Variants in NBPF12 observed in about 807,000 individuals in gnomAD.
The protein encoded by NBPF12 is NBPF member 12.
A neutral mutation model predicts 146.4 loss-of-function variants in NBPF12; 115 were observed. That is an observed-to-expected ratio of 0.79 (90% CI 0.68 to 0.92). The LOEUF (loss-of-function observed/expected upper bound fraction) is 0.92. Among genes scored for constraint, NBPF12 ranks in the 40% least tolerant of loss-of-function variants. NBPF12 has a pLI of 0.00. For synonymous variants in NBPF12, 385 were observed against 508.9 expected (o/e 0.76, Z 3.28); for missense variants, 1,205 against 1,326.8 (o/e 0.91, Z 1.43).
chr1:146,947,732 T>C (rs1268596327), upstream of NBPF12, among the ~76,000 whole-genome samples: 2 of 146,242 alleles, frequency 1.4e-5, no homozygotes, highest in Non-Finnish European at 3.0e-5. Context: ...TATTTACATT[T>C]TCCTGTGTTT....
intron 2 of NBPF12, among the ~76,000 whole-genome samples, chr1:146,954,668 A>G (rs1489403468): frequency 2.0e-5 from 3 of 150,328 alleles, no homozygotes; most frequent in Admixed American, 6.6e-5. Context: ...ATGATCAAGA[A>G]TAATAAAATA....
rs1553886776 is a variant in NBPF12, at chr1:146,972,800, C to T, written c.1641C>T (p.Ala547=). 147 of 1,327,470 alleles carry T rather than the reference C, an allele frequency of 1.1e-4. 1 individual carries two copies. The East Asian group carries it at 1.1e-3, about 10-fold the overall frequency. The allele number at this position is 1,327,470 out of a possible 1,614,324, so 82.2% of individuals were successfully genotyped here. The change falls in exon 14 of 34, where the codon GCC becomes GCT. Residue 547 remains alanine (A), a synonymous_variant. Transcript: ENST00000617844. ...CAAACGTCAGCATGGTGGTATCAGC[C>T]GGCCCTTTGTCCAGCGAGAAGGCAG...
Position 146,966,461 on chromosome 1 carries a change from C to T in NBPF12, c.779-3C>T. 1.5e-6 allele frequency: 2 copies of T among 1,360,214 alleles called. No individual in the cohort carries two copies. The highest frequency in any genetic ancestry group is 2.1e-6 in the Non-Finnish European group (2 of 952,174). The allele number at this position is 1,360,214 out of a possible 1,614,324, so 84.3% of individuals were successfully genotyped here. A position where few individuals can be genotyped will look rare whatever the true frequency, so the allele number is the denominator to read the frequency against. On this transcript the variant is annotated splice_polypyrimidine_tract_variant and splice_region_variant and intron_variant, in intron 8 of 33. Coordinates refer to ENST00000617844, the Ensembl canonical transcript of NBPF12. ...ATCATGTGTTTGCCTTTCTTCTCCCCAGTCCCTGGCCCCACCTCTTCTGCC... is the reference window on the plus strand; with the variant it reads ...ATCATGTGTTTGCCTTTCTTCTCCCTAGTCCCTGGCCCCACCTCTTCTGCC...
In NBPF12 at chr1:146,952,364, G is replaced by A. The variant is rs1285491588; in HGVS notation, c.-184+875G>A. 1.5e-3 allele frequency among the ~76,000 whole-genome samples: 229 copies of A among 152,136 alleles called. 1 individual carries two copies. The highest frequency in any genetic ancestry group is 2.6e-3 in the Non-Finnish European group (176 of 68,022). The stretch of plus-strand genomic sequence containing the variant: ...AGCATCTCTTCTATTCTCTTGCATC[G>A]TCCCTCAGCCTGGCAGTCTCTGTGT... On this transcript the variant is annotated intron_variant, in intron 2 of 33. Coordinates refer to ENST00000617844, the Ensembl canonical transcript of NBPF12.
chr1:146,964,857 A>C (rs1338507903), intron 7 of NBPF12, 36 bp from the exon 11 acceptor site: 1 of 1,553,380 alleles, frequency 6.4e-7, no homozygotes, highest in African/African-American at 1.4e-5. Context: ...CTCTGTGTTT[A>C]ATCTTCTGTC....
At chr1:146,973,516 ATG>A (rs1656792328) in intron 14 of NBPF12, among the ~76,000 whole-genome samples, 1 of 149,510 alleles carries the variant, frequency 6.7e-6, no homozygotes, top group African/African-American at 2.5e-5. Context: ...GGGGCCGTGC[ATG>A]GTGGCTCACT....
chr1:146,969,300 G>A, intron 10 of NBPF12, 82 bp from the exon 14 acceptor site: 1 of 694,686 alleles, frequency 1.4e-6, no homozygotes, highest in Non-Finnish European at 2.5e-6. Context: ...TGAGGACATT[G>A]TCTCAGAAAT....
At chr1:146,956,066 C>T (rs1227120996) in intron 2 of NBPF12, among the ~76,000 whole-genome samples, 2 of 151,596 alleles carry the variant, frequency 1.3e-5, no homozygotes, top group Non-Finnish European at 2.9e-5. Flanking sequence ...GTTAGTGAGA[C>T]CTGGCCTGCT....
chr1:146,964,468 CAT>C, intron 7 of NBPF12, 39 bp downstream of exon 10: 2 of 1,595,242 alleles, frequency 1.3e-6, no homozygotes, highest in Non-Finnish European at 1.7e-6. Context: ...TGGGTGGTAA[CAT>C]ATGAAAATGT....
At chr1:146,964,533 C>G in intron 7 of NBPF12, 104 bp downstream of exon 10, 1 of 1,563,636 alleles carries the variant, frequency 6.4e-7, no homozygotes, top group South Asian at 1.1e-5. Flanking sequence ...CCCGCATTCC[C>G]TTGGCCACAG....
chr1:146,945,907 T>C (rs1655036363), upstream of NBPF12, among the ~76,000 whole-genome samples: 3 of 151,820 alleles, frequency 2.0e-5, no homozygotes, highest in African/African-American at 4.9e-5. Flanking sequence ...TCATGCAAAA[T>C]AGTTTCACTG....
In NBPF12 at chr1:146,974,180, C is replaced by T. The variant is rs1269112785; in HGVS notation, c.1802-559C>T. Among the ~76,000 whole-genome samples the T allele has an allele frequency of 4.6e-4, 68 of 148,940 alleles. 3 individuals are homozygous for T. Among genetic ancestry groups the T allele is most frequent in the African/African-American group, 1.7e-3 (65 of 39,178 alleles). On this transcript the variant is annotated intron_variant, in intron 14 of 33. Transcript: ENST00000617844. ...AACAGAAACTTCATTAGCATTTGGG[C>T]ATAGGATTTCCTTCATGGCCTTATG...
upstream of NBPF12, among the ~76,000 whole-genome samples, chr1:146,946,498 T>A (rs1437619842): frequency 1.0e-4 from 15 of 146,648 alleles, no homozygotes; most frequent in Non-Finnish European, 3.0e-5. Context: ...TAATGAGGTG[T>A]TCAGATCTTT....
chr1:146,965,469 T>G (rs1408272232), intron 8 of NBPF12, among the ~76,000 whole-genome samples: 91 of 151,246 alleles, frequency 6.0e-4, no homozygotes, highest in Non-Finnish European at 3.5e-4. Flanking sequence ...ACTCTCTTTT[T>G]CATTGGCTTG....
chr1:146,941,705 G>T (rs1407480308), intron 1 of NBPF12, among the ~76,000 whole-genome samples: 1 of 136,246 alleles, frequency 7.3e-6, no homozygotes, highest in Non-Finnish European at 1.5e-5. Flanking sequence ...ATTGAGCCGA[G>T]ATTACACTAC....
At chr1:146,941,015 TTC>T (rs1654776869) in intron 1 of NBPF12, among the ~76,000 whole-genome samples, 3 of 152,134 alleles carry the variant, frequency 2.0e-5, no homozygotes, top group Non-Finnish European at 4.4e-5. Flanking sequence ...TGGATTGCAT[TTC>T]TCTTTTTTCA....
rs1289055543 is a variant in NBPF12 at position 146,984,857 on chromosome 1, A to C, written c.2711A>C (p.Gln904Pro). 8 of 1,559,734 alleles carry C rather than the reference A, an allele frequency of 5.1e-6. No individual in the cohort carries two copies. In the East Asian group the frequency reaches 1.6e-4, roughly 31 times the overall value. ...GCTGAGAAAGAGCCTGAAGTCTTGC[A>C]GGACTCACTGGATAGATGTTATTCA... The change falls in exon 22 of 34, where the codon CAG becomes CCG. Residue 904 changes from glutamine (Q) to proline (P), a missense_variant. Coordinates refer to ENST00000617844, the Ensembl canonical transcript of NBPF12.
At chr1:146,943,815 C>T (rs1239056783) in intron 2 of NBPF12, among the ~76,000 whole-genome samples, 1 of 151,330 alleles carries the variant, frequency 6.6e-6, no homozygotes, top group African/African-American at 2.4e-5. Flanking sequence ...CAGGACTTTT[C>T]CTTGGTAGCT....
intron 8 of NBPF12, 130 bp from the exon 12 acceptor site, chr1:146,966,334 G>A (rs1656205505): frequency 1.2e-6 from 1 of 858,246 alleles, no homozygotes; most frequent in African/African-American, 1.7e-5. Context: ...GAGATGACAA[G>A]AGTGAAACCA....
Sources: allele counts gnomAD v4.1 joint callset (sites outside exome capture counted in the v4.1 genomes callset), GRCh38; gene constraint gnomAD v4.1.1; transcripts MANE v1.5; gene names NCBI Gene and HGNC (gene_info 2026-07-23, HGNC 2026-07-21).